Variants in CHD9 observed in about 807,000 individuals in gnomAD.
CHD9 encodes ATP-dependent chromatin remodeler CHD9.
Under a neutral mutation model 316.1 loss-of-function variants are expected in CHD9, and 77 were observed. The observed-to-expected ratio is 0.24, with a 90% CI of 0.20 to 0.29. The LOEUF is 0.29. Among genes scored for constraint, CHD9 ranks in the 10% least tolerant of loss-of-function variants. The probability of loss-of-function intolerance (pLI) is 1.00; values close to 1 mark genes in which losing one functional copy is unlikely to be tolerated. For missense variants in CHD9, 2,763 were observed against 3,438.1 expected (o/e 0.80, Z 4.91); for synonymous variants, 1,129 against 1,158.3 (o/e 0.97, Z 0.51).
intron 20 of CHD9, among the ~76,000 whole-genome samples, chr16:53,265,090 TGTTA>T (rs1291455707): frequency 6.6e-6 from 1 of 152,186 alleles, no homozygotes; most frequent in African/African-American, 2.4e-5. Flanking sequence ...CATTACTGTA[TGTTA>T]AAGTGTCTAA....
chr16:53,254,727 G>A (rs2050433203), intron 18 of CHD9, 122 bp downstream of exon 18: 1 of 794,482 alleles, frequency 1.3e-6, no homozygotes, highest in Non-Finnish European at 1.9e-6. Context: ...TTTCTGCAGG[G>A]GAACATTTTC....
chr16:53,170,039 G>GTTTTTTTTTTGT (rs11434728), intron 2 of CHD9, among the ~76,000 whole-genome samples: 1 of 145,990 alleles, frequency 6.8e-6, no homozygotes, highest in East Asian at 2.0e-4. Flanking sequence ...AGGTTAAGCA[G>GTTTTTTTTTTGT]TTTTTTTTTG....
rs2041501933 is a variant in CHD9, at chr16:53,156,081, A to G, written c.-9A>G. ...AGTGAACAGCCCGGATTGTTACAGA[A>G]TTTTCAAGATGACAGATCCAATGAT... On this transcript the variant is annotated 5_prime_UTR_variant, in exon 2 of 39. Transcript: ENST00000447540. 2.5e-6 allele frequency: 4 copies of G among 1,607,234 alleles called. No homozygotes were observed. Among genetic ancestry groups the G allele is most frequent in the Non-Finnish European group, 3.4e-6 (4 of 1,176,444 alleles).
chr16:53,067,638 A>T (rs937897663), intron 1 of CHD9, among the ~76,000 whole-genome samples: 3 of 152,102 alleles, frequency 2.0e-5, no homozygotes, highest in Non-Finnish European at 4.4e-5. Context: ...TATTTTTCTC[A>T]TGATTAGGGT....
At chr16:53,109,677 C>CTT (rs1166073629) in intron 1 of CHD9, among the ~76,000 whole-genome samples, 1,283 of 71,520 alleles carry the variant, frequency 0.018, 75 homozygotes, top group African/African-American at 0.054. Flanking sequence ...TTCCCAGTTT[C>CTT]TTTTTTTTTT....
In CHD9 at chr16:53,304,416, A is replaced by G. The variant is rs777101951; in HGVS notation, c.6410A>G (p.Asp2137Gly). Reference sequence around the variant, plus strand: ...GAATCTAGTTCTGATTCTGACTCAGATTCTGAGAGATCATCTTGTTCTTCC... The same window carrying G: ...GAATCTAGTTCTGATTCTGACTCAGGTTCTGAGAGATCATCTTGTTCTTCC... ...GSESSSDSDS[D>G]SERSSCSSRS... Residue 2137 changes from aspartate (D) to glycine (G), a missense_variant, in exon 31 of 39, where the codon GAT becomes GGT. This residue lies in a region of CHD9 where 663 missense variants were observed against 751.2 expected (regional missense o/e 0.88). Transcript: ENST00000447540. 3 of 1,605,294 alleles carry G rather than the reference A, an allele frequency of 1.9e-6. No homozygotes were observed. The highest frequency in any genetic ancestry group is 3.4e-5 in the Admixed American group (2 of 58,670).
intron 28 of CHD9, among the ~76,000 whole-genome samples, chr16:53,292,197 C>T (rs913186294): frequency 9.9e-5 from 15 of 152,156 alleles, no homozygotes; most frequent in Non-Finnish European, 1.5e-5. Flanking sequence ...CACAAGAGTA[C>T]ACTCACTCCC....
At chr16:53,129,420 T>C (rs2039115887) in intron 1 of CHD9, among the ~76,000 whole-genome samples, 1 of 152,344 alleles carries the variant, frequency 6.6e-6, no homozygotes, top group South Asian at 2.1e-4. Flanking sequence ...CTTCAGGGAA[T>C]CAAAGTTGGA....
chr16:53,077,613 C>T (rs772459383), intron 1 of CHD9, among the ~76,000 whole-genome samples: 20 of 152,126 alleles, frequency 1.3e-4, no homozygotes, highest in Non-Finnish European at 2.8e-4. Context: ...AGGTATGAGC[C>T]ACCGCGCCCA....
At chr16:53,298,003 CCCT>C (rs1400376668) in intron 30 of CHD9, among the ~76,000 whole-genome samples, 1 of 152,162 alleles carries the variant, frequency 6.6e-6, no homozygotes, top group Non-Finnish European at 1.5e-5. Flanking sequence ...TGGCAAGAGG[CCCT>C]CATTTTTTAA....
intron 2 of CHD9, among the ~76,000 whole-genome samples, chr16:53,188,602 CTTTTTTT>C (rs369979479): frequency 4.5e-4 from 32 of 71,248 alleles, no homozygotes; most frequent in African/African-American, 1.8e-3. Flanking sequence ...TGGTCATTAC[CTTTTTTT>C]TTTTTTTTTT....
chr16:53,271,375 C>A (rs1281173739), intron 22 of CHD9, among the ~76,000 whole-genome samples: 1 of 152,038 alleles, frequency 6.6e-6, no homozygotes, highest in Non-Finnish European at 1.5e-5. Context: ...TCAAGACCAG[C>A]CTGGCCAACA....
intron 2 of CHD9, among the ~76,000 whole-genome samples, chr16:53,179,063 A>G (rs747114954): frequency 7.2e-5 from 11 of 152,186 alleles, no homozygotes; most frequent in Non-Finnish European, 1.6e-4. Context: ...ATGAATACAT[A>G]TATGTGAATC....
chr16:53,171,617 A>G (rs1382184346), intron 2 of CHD9, among the ~76,000 whole-genome samples: 1 of 152,012 alleles, frequency 6.6e-6, no homozygotes, highest in African/African-American at 2.4e-5. Context: ...TGGGAGGCCG[A>G]GGCAGGTGAT....
chr16:53,276,245 G>T (rs1011238898), intron 24 of CHD9, among the ~76,000 whole-genome samples: 1 of 152,076 alleles, frequency 6.6e-6, no homozygotes, highest in Non-Finnish European at 1.5e-5. Flanking sequence ...GTTAATCTCA[G>T]CTAGCCATTT....
chr16:53,145,393 T>G (rs559459104), intron 1 of CHD9, among the ~76,000 whole-genome samples: 1 of 150,748 alleles, frequency 6.6e-6, no homozygotes, highest in Non-Finnish European at 1.5e-5. Flanking sequence ...TCAGGTGATC[T>G]GCCCACCTCG....
intron 2 of CHD9, among the ~76,000 whole-genome samples, chr16:53,187,326 A>G (rs1442871988): frequency 1.3e-5 from 2 of 152,078 alleles, no homozygotes; most frequent in South Asian, 2.1e-4. Flanking sequence ...TGGGCAACAT[A>G]GCAAAATTGT....
chr16:53,110,857 G>A lies in CHD9; in HGVS notation c.-164-45069G>A, dbSNP rs190629377. Among the ~76,000 whole-genome samples the A allele has an allele frequency of 1.2e-4, 18 of 152,308 alleles. No individual in the cohort carries two copies. In the East Asian group the frequency reaches 3.3e-3, roughly 28 times the overall value. On this transcript the variant is annotated intron_variant, in intron 1 of 38. Transcript: ENST00000447540. ...CAAGATAGTTAAAGACACGGTGTGG[G>A]CCAGTGTGTGATCTCTGACATAAAC... is the stretch of plus-strand genomic sequence containing the variant.
intron 1 of CHD9, among the ~76,000 whole-genome samples, chr16:53,136,309 G>A (rs955522387): frequency 1.3e-5 from 2 of 152,086 alleles, no homozygotes; most frequent in Non-Finnish European, 2.9e-5. Flanking sequence ...GACCTTTCTT[G>A]TCTAGTGGTC....
Sources: gnomAD v4.1 joint callset for allele counts (sites outside exome capture counted in the v4.1 genomes callset) on GRCh38, gnomAD v4.1.1 for gene constraint, gnomAD v4.1.1 regional missense constraint, MANE v1.5 for transcripts, NCBI Gene and HGNC (gene_info 2026-07-23, HGNC 2026-07-21) for gene names.